ARL6: variants seen among roughly 807,000 people sequenced by gnomAD.
ARL6 encodes ADP-ribosylation factor-like protein 6.
Under a neutral mutation model 27.1 loss-of-function variants are expected in ARL6, and 18 were observed. The ratio of observed to expected loss-of-function variants is 0.66; its 90% confidence interval spans 0.46 to 0.98. ARL6 has a LOEUF of 0.98. ARL6 is among the 50% of genes least tolerant of loss of function. ARL6 has a pLI of 0.00. For synonymous variants in ARL6, 65 were observed against 72.3 expected (o/e 0.90, Z 0.51); for missense variants, 187 against 214.9 (o/e 0.87, Z 0.81).
At chr3:97,784,764 A>G (rs1339086627) in intron 4 of ARL6, among the ~76,000 whole-genome samples, 191 bp from the exon 5 acceptor site, 1 of 151,982 alleles carries the variant, frequency 6.6e-6, no homozygotes, top group Non-Finnish European at 1.5e-5. Flanking sequence ...GGTATTTTAC[A>G]TGAAATATGA....
At chr3:97,767,945 G>A (rs2036460552) in intron 1 of ARL6, 136 bp from the exon 2 acceptor site, 3 of 773,402 alleles carry the variant, frequency 3.9e-6, no homozygotes, top group Admixed American at 2.4e-5. Flanking sequence ...TGTTTACTAA[G>A]TGCAAAGCTA....
At chr3:97,771,105 G>A (rs2036617385) in intron 2 of ARL6, among the ~76,000 whole-genome samples, 2 of 151,956 alleles carry the variant, frequency 1.3e-5, no homozygotes, top group South Asian at 4.1e-4. Flanking sequence ...ATCTCTTCGG[G>A]TGGTATAGAT....
intron 7 of ARL6, among the ~76,000 whole-genome samples, chr3:97,797,706 A>T (rs1185788676): frequency 6.6e-6 from 1 of 152,164 alleles, no homozygotes; most frequent in African/African-American, 2.4e-5. Context: ...GAACTAGTTG[A>T]CTCTATGCAA....
chr3:97,784,623 G>A (rs1036038927), intron 4 of ARL6, among the ~76,000 whole-genome samples: 2 of 151,614 alleles, frequency 1.3e-5, no homozygotes. Flanking sequence ...AATAATTATT[G>A]CATCGGTGTA....
rs937308738 is a variant in ARL6 at position 97,798,714 on chromosome 3, G to A, written c.*665G>A. The A allele has an allele frequency of 5.3e-5, 8 of 152,070 alleles. No homozygotes were observed. Among genetic ancestry groups the A allele is most frequent in the Non-Finnish European group, 8.8e-5 (6 of 67,976 alleles). The allele number at this position is 152,070 out of a possible 1,614,324, so 9.4% of individuals were successfully genotyped here. A position where few individuals can be genotyped will look rare whatever the true frequency, so the allele number is the denominator to read the frequency against. ...ACATAGTCCTAGGCAATGATGTTACGAGGTAAATAAGACATATCCTTATCT... is the reference window on the plus strand; with the variant it reads ...ACATAGTCCTAGGCAATGATGTTACAAGGTAAATAAGACATATCCTTATCT... On this transcript the variant is annotated 3_prime_UTR_variant, in exon 8 of 8. Coordinates refer to ENST00000463745, the MANE Select transcript of ARL6 (RefSeq NM_001278293.3).
intron 5 of ARL6, 76 bp from the exon 6 acceptor site, chr3:97,787,914 G>T (rs1421178933): frequency 5.9e-6 from 9 of 1,520,484 alleles, no homozygotes; most frequent in Non-Finnish European, 8.2e-6. Flanking sequence ...AATTTCATGG[G>T]TTTCAGTACT....
chr3:97,771,851 G>A (rs2036653038), intron 2 of ARL6, among the ~76,000 whole-genome samples: 1 of 152,106 alleles, frequency 6.6e-6, no homozygotes, highest in Admixed American at 6.5e-5. Flanking sequence ...ATTTGTGTAT[G>A]TTGAACCATC....
chr3:97,780,022 AAAAATT>A, intron 2 of ARL6, 131 bp from the exon 3 acceptor site: 1 of 706,336 alleles, frequency 1.4e-6, no homozygotes, highest in Non-Finnish European at 2.5e-6. Context: ...ATCCTATTGA[AAAAATT>A]ATATAACTTT....
At chr3:97,779,823 G>A (rs1454967395) in intron 2 of ARL6, among the ~76,000 whole-genome samples, 4 of 150,900 alleles carry the variant, frequency 2.7e-5, no homozygotes, top group South Asian at 2.1e-4. Context: ...CCGAGATTGC[G>A]CCACTGCTCT....
At chr3:97,776,911 G>GC (rs2036937090) in intron 2 of ARL6, among the ~76,000 whole-genome samples, 1 of 152,178 alleles carries the variant, frequency 6.6e-6, no homozygotes, top group Non-Finnish European at 1.5e-5. Context: ...TACCCGCCTT[G>GC]CCCTCCCAAA....
Position 97,780,227 on chromosome 3 carries a change from C to T in ARL6, c.185+7C>T, listed in dbSNP as rs373119013. The T allele has an allele frequency of 1.9e-6, 3 of 1,605,058 alleles. No homozygotes were observed. The highest frequency in any genetic ancestry group is 1.7e-6 in the Non-Finnish European group (2 of 1,173,820). On this transcript the variant is annotated splice_region_variant and intron_variant, in intron 3 of 7. Coordinates refer to ENST00000463745, the MANE Select transcript of ARL6 (RefSeq NM_001278293.3). ...AGAAATTCAAATCATCCAGGTAATC[C>T]ACTTTATCCCTTAACAAAAAAGTTG...
At position 97,786,945 on chromosome 3, in the gene ARL6, C is replaced by A. The variant is rs145526444; in HGVS notation, c.350-1045C>A. Reference sequence around the variant, plus strand: ...GGGAGTGGAAACACTCATTCTTATACGTGGTTGTTGAAGTGTAAATTGATA... The same window carrying A: ...GGGAGTGGAAACACTCATTCTTATAAGTGGTTGTTGAAGTGTAAATTGATA... On this transcript the variant is annotated intron_variant, in intron 5 of 7. Transcript: ENST00000463745. Among the ~76,000 whole-genome samples, 1,024 of 152,252 alleles carry A rather than the reference C, an allele frequency of 6.7e-3. 10 individuals carry two copies. Among genetic ancestry groups the A allele is most frequent in the African/African-American group, 0.024 (979 of 41,562 alleles).
chr3:97,767,088 A>G (rs569987576), intron 1 of ARL6, among the ~76,000 whole-genome samples: 2 of 152,154 alleles, frequency 1.3e-5, no homozygotes, highest in African/African-American at 4.8e-5. Flanking sequence ...TTGACTTCCA[A>G]ATACTTCTAT....
intron 2 of ARL6, among the ~76,000 whole-genome samples, chr3:97,778,913 T>G (rs902603993): frequency 1.3e-5 from 2 of 151,980 alleles, no homozygotes; most frequent in African/African-American, 4.8e-5. Context: ...TAGAGAATGA[T>G]TACATAAAGA....
rs751660445 is a variant in ARL6, at chr3:97,799,763, G to A, written c.*1714G>A. On this transcript the variant is annotated 3_prime_UTR_variant, in exon 8 of 8. Transcript: ENST00000463745. ...ATTTTATAGATCAGTAAACTGAGGC[G>A]TTAAAATGTTATGTAATTTGCCAAA... The A allele has an allele frequency of 4.6e-5, 7 of 152,094 alleles. No homozygotes were observed. Among genetic ancestry groups the A allele is most frequent in the Admixed American group, 2.0e-4 (3 of 15,258 alleles). The allele number at this position is 152,094 out of a possible 1,614,324, so 9.4% of individuals were successfully genotyped here. A position where few individuals can be genotyped will look rare whatever the true frequency, so the allele number is the denominator to read the frequency against.
chr3:97,786,523 T>C (rs2037466160), intron 5 of ARL6, among the ~76,000 whole-genome samples: 1 of 152,210 alleles, frequency 6.6e-6, no homozygotes, highest in Non-Finnish European at 1.5e-5. Context: ...ACTGAAGCCT[T>C]GTCTATGGAT....
chr3:97,780,328 A>G, intron 3 of ARL6, 108 bp downstream of exon 3: 1 of 911,688 alleles, frequency 1.1e-6, no homozygotes, highest in Non-Finnish European at 1.7e-6. Context: ...TTGTTTCAGA[A>G]TCTCATAGGT....
At chr3:97,766,047 A>G (rs962521199) in intron 1 of ARL6, 9 of 152,216 alleles carry the variant, frequency 5.9e-5, no homozygotes, top group African/African-American at 2.2e-4. Flanking sequence ...AACAAGTATC[A>G]AGTGATAATC....
intron 4 of ARL6, 142 bp downstream of exon 4, chr3:97,780,825 A>G (rs1204602502): frequency 4.4e-6 from 3 of 685,744 alleles, no homozygotes; most frequent in Non-Finnish European, 7.7e-6. Flanking sequence ...AAAAATATGT[A>G]ATGAGACTCA....
Sources: allele counts gnomAD v4.1 joint callset (sites outside exome capture counted in the v4.1 genomes callset), GRCh38; gene constraint gnomAD v4.1.1; transcripts MANE v1.5; gene names NCBI Gene and HGNC (gene_info 2026-07-23, HGNC 2026-07-21).